Variants in PLSCR5 observed in about 807,000 individuals in gnomAD.
PLSCR5 encodes the protein phospholipid scramblase family member 5, also known as phospholipid scramblase family, member 5.
PLSCR5 carries 44 observed loss-of-function variants against 33.6 expected under a neutral mutation model. The observed-to-expected ratio is 1.31, with a 90% CI of 1.03 to 1.69. PLSCR5 has a LOEUF of 1.69. PLSCR5 is among the 40% of genes most tolerant of loss of function. The pLI, the probability that PLSCR5 is intolerant of heterozygous loss-of-function variation, is 0.00. For synonymous variants in PLSCR5, 148 were observed against 112.3 expected (o/e 1.32, Z -2.01); for missense variants, 375 against 318.7 (o/e 1.18, Z -1.34).
chr3:146,589,938 C>A, intron 5 of PLSCR5, 124 bp from the exon 6 acceptor site: 1 of 579,708 alleles, frequency 1.7e-6, no homozygotes, highest in Non-Finnish European at 2.8e-6. Context: ...ATGACAATTC[C>A]ATGTTATTCA....
intron 6 of PLSCR5, among the ~76,000 whole-genome samples, chr3:146,588,546 C>T (rs2044683854): frequency 6.6e-6 from 1 of 150,506 alleles, no homozygotes; most frequent in Non-Finnish European, 1.5e-5. Context: ...CATGCATGTG[C>T]ACATGTTCAT....
At chr3:146,595,146 T>C (rs765513753) in intron 2 of PLSCR5, 63 bp from the exon 3 acceptor site, 53 of 920,490 alleles carry the variant, frequency 5.8e-5, no homozygotes, top group Non-Finnish European at 7.4e-5. Context: ...CCTTTGGAGA[T>C]ACTACTAGTA....
At chr3:146,582,688 C>T (rs888303091), downstream of PLSCR5, among the ~76,000 whole-genome samples, 4 of 152,078 alleles carry the variant, frequency 2.6e-5, no homozygotes, top group African/African-American at 9.7e-5. Context: ...CTTACCAGAA[C>T]AAAACTGTCT....
intron 5 of PLSCR5, chr3:146,590,389 T>C (rs960930946): frequency 1.3e-5 from 2 of 152,094 alleles, no homozygotes; most frequent in African/African-American, 4.8e-5. Context: ...CAATACTTTC[T>C]AACAAATCCT....
At chr3:146,578,832 A>C (rs2044615480) in intron 7 of PLSCR5, among the ~76,000 whole-genome samples, 1 of 152,114 alleles carries the variant, frequency 6.6e-6, no homozygotes, top group African/African-American at 2.4e-5. Flanking sequence ...TTTTAAAAAC[A>C]ATATATTTAT....
intron 4 of PLSCR5, among the ~76,000 whole-genome samples, chr3:146,592,245 T>TC (rs1488645367): frequency 1.3e-5 from 2 of 152,108 alleles, no homozygotes; most frequent in African/African-American, 4.8e-5. Flanking sequence ...TCATATCTAC[T>TC]CCTTTTAATT....
intron 7 of PLSCR5, among the ~76,000 whole-genome samples, chr3:146,578,727 T>G (rs1560103869): frequency 6.6e-6 from 1 of 152,138 alleles, no homozygotes; most frequent in Non-Finnish European, 1.5e-5. Flanking sequence ...TTTATATATT[T>G]GTGAAACAAA....
intron 2 of PLSCR5, 147 bp from the exon 3 acceptor site, chr3:146,595,230 A>G (rs1223743541): frequency 1.4e-5 from 6 of 417,684 alleles, no homozygotes; most frequent in Non-Finnish European, 2.5e-5. Flanking sequence ...AATATCTCAC[A>G]TTTTACAATG....
downstream of PLSCR5, among the ~76,000 whole-genome samples, chr3:146,585,581 G>A (rs1376112042): frequency 1.3e-5 from 2 of 151,852 alleles, no homozygotes; most frequent in Non-Finnish European, 2.9e-5. Flanking sequence ...AGTATAAAGG[G>A]ACTACTTTTG....
At chr3:146,583,719 A>G (rs1294493818), downstream of PLSCR5, among the ~76,000 whole-genome samples, 2 of 152,170 alleles carry the variant, frequency 1.3e-5, no homozygotes, top group African/African-American at 4.8e-5. Context: ...AATGAGTGAT[A>G]TATTCTAAGA....
At chr3:146,604,389 A>G (rs982450847) in intron 1 of PLSCR5, among the ~76,000 whole-genome samples, 5 of 152,050 alleles carry the variant, frequency 3.3e-5, no homozygotes, top group African/African-American at 1.2e-4. Context: ...TTTGAGAAAA[A>G]ACTCATCAGT....
At chr3:146,578,420 T>C (rs771491208) in intron 7 of PLSCR5, among the ~76,000 whole-genome samples, 5 of 152,134 alleles carry the variant, frequency 3.3e-5, no homozygotes, top group African/African-American at 7.2e-5. Flanking sequence ...GAGAATATTA[T>C]TAATTCAGGT....
intron 3 of PLSCR5, 41 bp downstream of exon 3, chr3:146,595,000 C>A: frequency 1.6e-6 from 2 of 1,218,050 alleles, no homozygotes; most frequent in South Asian, 2.4e-5. Context: ...AAAATATTTT[C>A]AATAGTTTTA....
intron 2 of PLSCR5, among the ~76,000 whole-genome samples, chr3:146,596,349 C>G (rs944528500): frequency 6.6e-6 from 1 of 152,050 alleles, no homozygotes; most frequent in Non-Finnish European, 1.5e-5. Flanking sequence ...CCACCATGCT[C>G]GGCTAATTTT....
intron 7 of PLSCR5, among the ~76,000 whole-genome samples, chr3:146,579,418 G>A (rs1446953298): frequency 6.6e-6 from 1 of 152,100 alleles, no homozygotes; most frequent in Non-Finnish European, 1.5e-5. Flanking sequence ...TCCTCAGTTT[G>A]TTTTCATTTT....
At chr3:146,581,234 T>C (rs1345624476), downstream of PLSCR5, among the ~76,000 whole-genome samples, 1 of 152,218 alleles carries the variant, frequency 6.6e-6, no homozygotes, top group Non-Finnish European at 1.5e-5. Flanking sequence ...GCTTATAAAT[T>C]GTGTCTTGCA....
In PLSCR5 at chr3:146,600,379, G is replaced by C; in HGVS notation, c.98C>G (p.Pro33Arg). The change falls in exon 2 of 8, where the codon CCA becomes CGA. Residue 33 changes from proline (P) to arginine (R), a missense_variant. Coordinates refer to ENST00000443512, the MANE Select transcript of PLSCR5 (RefSeq NM_001085420.2). ...ACTCAGCTGCCATGCTTGGTTCCCT[G>C]GATTGGAAGAGGCAGGAAGGCTTTG... ...PDQSLPASSN[P>R]GNQAWQLSLP... 1 of 1,610,564 alleles carries C rather than the reference G, an allele frequency of 6.2e-7. No homozygotes were observed. Among genetic ancestry groups the C allele is most frequent in the Non-Finnish European group, 8.5e-7 (1 of 1,178,210 alleles).
chr3:146,585,642 C>A (rs563607185), downstream of PLSCR5, among the ~76,000 whole-genome samples: 3 of 141,592 alleles, frequency 2.1e-5, no homozygotes, highest in Admixed American at 2.1e-4. Context: ...AGCCTTAGTA[C>A]CAGAAAAACT....
intron 2 of PLSCR5, among the ~76,000 whole-genome samples, chr3:146,597,344 C>A (rs1388633997): frequency 3.3e-5 from 5 of 152,004 alleles, no homozygotes; most frequent in African/African-American, 9.7e-5. Flanking sequence ...AGGAAGCAAG[C>A]CCACAGAGAT....
Sources: allele counts gnomAD v4.1 joint callset (sites outside exome capture counted in the v4.1 genomes callset), GRCh38; gene constraint gnomAD v4.1.1; transcripts MANE v1.5; gene names NCBI Gene and HGNC (gene_info 2026-07-23, HGNC 2026-07-21).